The following NTN4 variants were observed in gnomAD, a reference collection of about 807,000 sequenced individuals.
NTN4 encodes the protein netrin-4.
A neutral mutation model predicts 73.6 loss-of-function variants in NTN4; 32 were observed. That is an observed-to-expected ratio of 0.44 (90% CI 0.33 to 0.58). The LOEUF is 0.58. NTN4 is among the 20% of genes least tolerant of loss of function. The pLI, the probability that NTN4 is intolerant of heterozygous loss-of-function variation, is 0.04. For missense variants in NTN4, 654 were observed against 798.3 expected, an observed-to-expected ratio of 0.82 and a Z score of 2.18; for synonymous variants, 258 against 287.5, an observed-to-expected ratio of 0.90 and a Z score of 1.04.
chr12:95,732,217 CCTTT>C (rs1344441219), intron 3 of NTN4, among the ~76,000 whole-genome samples: 2 of 143,314 alleles, frequency 1.4e-5, no homozygotes, highest in African/African-American at 5.1e-5. Flanking sequence ...CTTTTCTCTC[CCTTT>C]CTCTCTTTCT....
At chr12:95,694,782 A>G (rs539136870) in intron 5 of NTN4, among the ~76,000 whole-genome samples, 2 of 152,282 alleles carry the variant, frequency 1.3e-5, no homozygotes, top group East Asian at 3.9e-4. Context: ...TGTTATATAC[A>G]TTACGTTCAA....
chr12:95,697,558 C>A (rs1416358986), intron 5 of NTN4, among the ~76,000 whole-genome samples: 1 of 151,586 alleles, frequency 6.6e-6, no homozygotes, highest in Non-Finnish European at 1.5e-5. Flanking sequence ...AGGATGAAAT[C>A]AGTTCTTTAG....
chr12:95,767,220 T>C (rs552005159), intron 2 of NTN4, among the ~76,000 whole-genome samples: 24 of 152,062 alleles, frequency 1.6e-4, no homozygotes, highest in Middle Eastern at 3.4e-3. Flanking sequence ...CTTACACAGG[T>C]GCACTTTTCC....
intron 4 of NTN4, among the ~76,000 whole-genome samples, 173 bp downstream of exon 4, chr12:95,713,039 G>A (rs1346092747): frequency 3.3e-5 from 5 of 152,170 alleles, no homozygotes; most frequent in East Asian, 3.9e-4. Context: ...TGTAATGAAC[G>A]GCAACTGTTT....
At chr12:95,742,897 G>A (rs904116398) in intron 2 of NTN4, among the ~76,000 whole-genome samples, 3 of 152,116 alleles carry the variant, frequency 2.0e-5, no homozygotes, top group African/African-American at 7.2e-5. Flanking sequence ...AGCCAAACAG[G>A]GTCTAGAGTT....
intron 5 of NTN4, among the ~76,000 whole-genome samples, chr12:95,694,404 A>G (rs190152215): frequency 2.0e-5 from 3 of 151,752 alleles, no homozygotes; most frequent in East Asian, 1.9e-4. Context: ...CCAAGGCCCT[A>G]CAGAATTTCT....
At chr12:95,759,433 T>C (rs1393942915) in intron 2 of NTN4, among the ~76,000 whole-genome samples, 1 of 152,034 alleles carries the variant, frequency 6.6e-6, no homozygotes, top group Non-Finnish European at 1.5e-5. Flanking sequence ...TGCCTCCAAG[T>C]TCACCAAACT....
chr12:95,770,832 A>G (rs966999104), intron 2 of NTN4, among the ~76,000 whole-genome samples: 2 of 152,168 alleles, frequency 1.3e-5, no homozygotes, highest in Non-Finnish European at 2.9e-5. Flanking sequence ...TATGAAGTGT[A>G]AAGTAACATC....
chr12:95,686,908 C>T (rs1304914960), intron 5 of NTN4, among the ~76,000 whole-genome samples: 1 of 152,164 alleles, frequency 6.6e-6, no homozygotes, highest in Non-Finnish European at 1.5e-5. Context: ...TACAGTTGAC[C>T]GTCTTAGCTA....
At chr12:95,735,990 G>A (rs1037159114) in intron 3 of NTN4, among the ~76,000 whole-genome samples, 17 of 150,792 alleles carry the variant, frequency 1.1e-4, no homozygotes, top group Non-Finnish European at 8.8e-5. Context: ...TCAGGCTAGA[G>A]TGCAGTGGCA....
chr12:95,709,878 C>T (rs551151720), intron 5 of NTN4, among the ~76,000 whole-genome samples: 2 of 152,222 alleles, frequency 1.3e-5, no homozygotes, highest in East Asian at 3.9e-4. Flanking sequence ...AAAAGCAGAA[C>T]CCATGCTATA....
At chr12:95,760,136 T>C (rs1280232840) in intron 2 of NTN4, among the ~76,000 whole-genome samples, 2 of 152,220 alleles carry the variant, frequency 1.3e-5, no homozygotes, top group South Asian at 2.1e-4. Flanking sequence ...TTTTTGAAGA[T>C]TGCTGTAAAT....
chr12:95,674,551 T>C (rs1179732157), intron 7 of NTN4, among the ~76,000 whole-genome samples: 2 of 152,114 alleles, frequency 1.3e-5, no homozygotes, highest in African/African-American at 2.4e-5. Context: ...TCTGTGGTAC[T>C]AGTTAAGGCC....
chr12:95,679,935 G>A (rs1163699024), intron 7 of NTN4, among the ~76,000 whole-genome samples: 2 of 152,088 alleles, frequency 1.3e-5, no homozygotes, highest in Non-Finnish European at 2.9e-5. Flanking sequence ...AAGACTTGCT[G>A]TATCTTCTGC....
intron 2 of NTN4, chr12:95,739,761 C>T (rs1269197323): frequency 6.6e-6 from 1 of 152,238 alleles, no homozygotes; most frequent in Non-Finnish European, 1.5e-5. Flanking sequence ...TGGTGTCCTT[C>T]TCCTCGTTAT....
In NTN4 at chr12:95,790,227, G is replaced by C; in HGVS notation, c.55+28C>G. On this transcript the variant is annotated intron_variant, in intron 1 of 9. Transcript: ENST00000343702. The surrounding 1 kb of genome is among the most constrained non-coding windows in gnomAD (Gnocchi z 6.5). Reference sequence around the variant, plus strand: ...GGTTAGAGAAGCAGCGAGGGAAGGGGTGGGGGCCCCGCCGCGTCACCACCC... The same window carrying C: ...GGTTAGAGAAGCAGCGAGGGAAGGGCTGGGGGCCCCGCCGCGTCACCACCC... The C allele has an allele frequency of 6.5e-7, 1 of 1,528,858 alleles. No homozygotes were observed. The allele number at this position is 1,528,858 out of a possible 1,614,324, so 94.7% of individuals were successfully genotyped here.
intron 7 of NTN4, chr12:95,671,179 A>C (rs1197564400): frequency 6.6e-6 from 1 of 152,110 alleles, no homozygotes; most frequent in Non-Finnish European, 1.5e-5. Flanking sequence ...TTATATTTTT[A>C]GTAGAGACGG....
intron 5 of NTN4, among the ~76,000 whole-genome samples, chr12:95,700,091 T>C (rs1448529591): frequency 1.9e-5 from 2 of 103,658 alleles, no homozygotes; most frequent in Non-Finnish European, 3.9e-5. Context: ...TTTTTTTTTT[T>C]TTTTTTTTTT....
At chr12:95,718,824 C>G (rs2078626283) in intron 3 of NTN4, among the ~76,000 whole-genome samples, 1 of 152,136 alleles carries the variant, frequency 6.6e-6, no homozygotes, top group Non-Finnish European at 1.5e-5. Context: ...TCTCCTTCAG[C>G]TTTCTTCTCT....
Sources: allele counts gnomAD v4.1 joint callset (sites outside exome capture counted in the v4.1 genomes callset), GRCh38; gene constraint gnomAD v4.1.1; non-coding constraint Gnocchi (gnomAD v3.1); transcripts MANE v1.5; gene names NCBI Gene and HGNC (gene_info 2026-07-23, HGNC 2026-07-21).